The following C10orf90 variants were observed in gnomAD, a reference collection of about 807,000 sequenced individuals.
C10orf90 encodes (E2-independent) E3 ubiquitin-conjugating enzyme FATS.
In C10orf90, 56 loss-of-function variants were observed where a neutral mutation model predicts 62.5. The ratio of observed to expected loss-of-function variants is 0.90; its 90% CI spans 0.72 to 1.12. The LOEUF (loss-of-function observed/expected upper bound fraction) is 1.12. C10orf90 is among the 50% of genes most tolerant of loss of function. The pLI is 0.00. For synonymous variants in C10orf90, 386 were observed against 340.4 expected (o/e 1.13, Z -1.47); for missense variants, 970 against 880.4 (o/e 1.10, Z -1.29).
At chr10:126,465,135 G>T in intron 4 of C10orf90, 149 bp from the exon 5 acceptor site, 1 of 757,630 alleles carries the variant, frequency 1.3e-6, no homozygotes, top group East Asian at 2.7e-5. Flanking sequence ...TGTATACAGT[G>T]CTGTCTTGGA....
chr10:126,655,189 G>A lies in C10orf90; in HGVS notation c.241-8552C>T, dbSNP rs192296133. ...AAAAATTAGCTGGGCATGGTGGCAC[G>A]TGCCTGTAGTCCCAGCTACTAGGGA... On this transcript the variant is annotated intron_variant, in intron 1 of 9. Coordinates refer to ENST00000488181, the MANE Select transcript of C10orf90 (RefSeq NM_001350921.2). Among the ~76,000 whole-genome samples the A allele has an allele frequency of 2.2e-3, 329 of 152,174 alleles. 2 individuals carry two copies. In the East Asian group the frequency reaches 0.029, roughly 13 times the overall value.
chr10:126,513,877 C>T lies in C10orf90; in HGVS notation c.376G>A (p.Val126Ile), dbSNP rs1466657077. The T allele has an allele frequency of 5.0e-6, 8 of 1,612,778 alleles. No individual in the cohort carries two copies. Among genetic ancestry groups the T allele is most frequent in the African/African-American group, 1.3e-5 (1 of 74,886 alleles). ...QIALKNLQSDVTEAKSDFTKE... is the reference protein window; with the variant it reads ...QIALKNLQSDITEAKSDFTKE... ...GTGAAGTCAGATTTTGCCTCTGTGA[C>T]ATCAGACTGGAGATTTTTAAGGGCA... The change falls in exon 3 of 10, where the codon GTC (valine) becomes ATC (isoleucine). Residue 126 changes from valine (V) to isoleucine (I), a missense_variant. Physicochemically the swap from Val to Ile is conservative, Grantham distance 29 (BLOSUM62 3). Coordinates refer to ENST00000488181, the MANE Select transcript of C10orf90 (RefSeq NM_001350921.2).
chr10:126,652,640 G>C (rs1189813162), intron 1 of C10orf90, among the ~76,000 whole-genome samples: 2 of 152,164 alleles, frequency 1.3e-5, no homozygotes, highest in African/African-American at 2.4e-5. Flanking sequence ...TGTGTTTGCA[G>C]GTATAAGCGA....
chr10:126,459,684 G>C (rs760264669), intron 6 of C10orf90, among the ~76,000 whole-genome samples: 12 of 152,236 alleles, frequency 7.9e-5, no homozygotes, highest in Non-Finnish European at 1.5e-4. Context: ...CGTGAAAAAC[G>C]TGCTCTTTCA....
intron 2 of C10orf90, among the ~76,000 whole-genome samples, chr10:126,529,515 C>T (rs533913679): frequency 3.9e-5 from 6 of 152,016 alleles, no homozygotes; most frequent in Non-Finnish European, 5.9e-5. Context: ...TAAAACCCCC[C>T]GTAAATTAAT....
intron 4 of C10orf90, among the ~76,000 whole-genome samples, chr10:126,479,247 C>G (rs1035551718): frequency 6.6e-6 from 1 of 152,174 alleles, no homozygotes; most frequent in East Asian, 1.9e-4. Context: ...GATGGGCTTC[C>G]CATGGAGCTG....
At chr10:126,507,199 T>C (rs1362069690) in intron 3 of C10orf90, among the ~76,000 whole-genome samples, 1 of 151,324 alleles carries the variant, frequency 6.6e-6, no homozygotes, top group Non-Finnish European at 1.5e-5. Context: ...CTACTAAAAA[T>C]ACAAAAAATT....
At chr10:126,664,346 G>A (rs1846581627) in intron 1 of C10orf90, among the ~76,000 whole-genome samples, 2 of 152,120 alleles carry the variant, frequency 1.3e-5, no homozygotes, top group South Asian at 2.1e-4. Context: ...TTGGTGCCGT[G>A]GCTCTGTGTC....
At chr10:126,542,985 T>C (rs977398715) in intron 2 of C10orf90, among the ~76,000 whole-genome samples, 16 of 152,200 alleles carry the variant, frequency 1.1e-4, no homozygotes, top group African/African-American at 3.9e-4. Context: ...TTTTAAAAAC[T>C]GTCAAATGTG....
intron 2 of C10orf90, among the ~76,000 whole-genome samples, chr10:126,625,296 G>A (rs566799831): frequency 2.0e-5 from 3 of 152,294 alleles, no homozygotes; most frequent in Non-Finnish European, 4.4e-5. Flanking sequence ...TCATCACACA[G>A]AGGCCAAGCA....
intron 7 of C10orf90, among the ~76,000 whole-genome samples, chr10:126,448,630 A>C (rs1858959094): frequency 2.0e-5 from 3 of 152,200 alleles, no homozygotes. Flanking sequence ...AGATAAACAA[A>C]ATTGACAAAT....
chr10:126,498,460 A>G (rs1388643291), intron 4 of C10orf90, among the ~76,000 whole-genome samples: 3 of 152,196 alleles, frequency 2.0e-5, no homozygotes, highest in South Asian at 2.1e-4. Context: ...GCTAAGGTCT[A>G]TAGCCCTCAC....
chr10:126,577,381 C>G (rs533206693), intron 2 of C10orf90, among the ~76,000 whole-genome samples: 1 of 151,754 alleles, frequency 6.6e-6, no homozygotes, highest in South Asian at 2.1e-4. Flanking sequence ...AATTGTATTT[C>G]TATTTGCTAG....
chr10:126,489,996 ATTATATATTATATATATT>A (rs1861639162), intron 4 of C10orf90, among the ~76,000 whole-genome samples: 1 of 100,610 alleles, frequency 9.9e-6, no homozygotes, highest in East Asian at 2.6e-4. Context: ...TATAATATAT[ATTATATATTATATATATT>A]ATATATAATA....
At chr10:126,667,056 G>C (rs546659383) in intron 1 of C10orf90, among the ~76,000 whole-genome samples, 58 of 147,806 alleles carry the variant, frequency 3.9e-4, no homozygotes, top group African/African-American at 1.4e-3. Context: ...TTTTTTGTTT[G>C]TTTTGTTTTG....
intron 2 of C10orf90, among the ~76,000 whole-genome samples, chr10:126,642,102 GAGC>G (rs1564905555): frequency 6.6e-6 from 1 of 152,146 alleles, no homozygotes; most frequent in Non-Finnish European, 1.5e-5. Flanking sequence ...CTGAAGTTTA[GAGC>G]AGCTTCATAA....
At chr10:126,512,759 TA>T (rs1345960671) in intron 3 of C10orf90, among the ~76,000 whole-genome samples, 1 of 152,136 alleles carries the variant, frequency 6.6e-6, no homozygotes, top group Non-Finnish European at 1.5e-5. Context: ...ACAAATTAAT[TA>T]TAGCCATGCA....
chr10:126,568,507 A>G (rs1465385864), intron 2 of C10orf90, among the ~76,000 whole-genome samples: 3 of 152,164 alleles, frequency 2.0e-5, no homozygotes, highest in Admixed American at 2.0e-4. Flanking sequence ...GAAGGGCAGG[A>G]CCTTTTCATG....
At chr10:126,433,084 G>A (rs988580761) in intron 7 of C10orf90, among the ~76,000 whole-genome samples, 1 of 152,184 alleles carries the variant, frequency 6.6e-6, no homozygotes, top group Non-Finnish European at 1.5e-5. Context: ...ATGGCAGCGT[G>A]CAGGTAGCCA....
Sources: allele counts gnomAD v4.1 joint callset (sites outside exome capture counted in the v4.1 genomes callset), GRCh38; gene constraint gnomAD v4.1.1; transcripts MANE v1.5; gene names NCBI Gene and HGNC (gene_info 2026-07-23, HGNC 2026-07-21).